CAMKMT: variants seen among roughly 807,000 people sequenced by gnomAD.
CAMKMT encodes calmodulin-lysine N-methyltransferase.
In CAMKMT, 53 loss-of-function variants were observed where a neutral mutation model predicts 48.0. That is an observed-to-expected ratio of 1.10 (90% CI 0.89 to 1.39). CAMKMT has a LOEUF of 1.39. Among genes scored for constraint, CAMKMT ranks in the 40% most tolerant of loss-of-function variants. The pLI is 0.00. For missense variants in CAMKMT, 428 were observed against 402.7 expected, an observed-to-expected ratio of 1.06 and a Z score of -0.54; for synonymous variants, 165 against 152.3, an observed-to-expected ratio of 1.08 and a Z score of -0.61.
intron 9 of CAMKMT, among the ~76,000 whole-genome samples, chr2:44,760,089 A>T (rs924682156): frequency 3.8e-4 from 58 of 152,086 alleles, no homozygotes; most frequent in Non-Finnish European, 5.9e-5. Context: ...CACTGTGGGA[A>T]TCTCATAGTT....
chr2:44,504,000 A>AGAGAGG (rs1321226192), intron 3 of CAMKMT, among the ~76,000 whole-genome samples: 1 of 151,458 alleles, frequency 6.6e-6, no homozygotes, highest in Non-Finnish European at 1.5e-5. Context: ...AGAGAGAGAG[A>AGAGAGG]GAGAGAGAAA....
chr2:44,587,227 G>A (rs1330987797), intron 3 of CAMKMT, among the ~76,000 whole-genome samples: 1 of 152,020 alleles, frequency 6.6e-6, no homozygotes, highest in Non-Finnish European at 1.5e-5. Flanking sequence ...AGCTTAATTT[G>A]GGAAGAAGTG....
At chr2:44,396,258 AC>A (rs1266125948) in intron 3 of CAMKMT, among the ~76,000 whole-genome samples, 17 of 148,180 alleles carry the variant, frequency 1.1e-4, no homozygotes, top group Non-Finnish European at 4.5e-5. Flanking sequence ...TAATAGATTG[AC>A]TAATTTAAGA....
At chr2:44,484,691 C>CAA (rs35786716) in intron 3 of CAMKMT, among the ~76,000 whole-genome samples, 1 of 139,056 alleles carries the variant, frequency 7.2e-6, no homozygotes. Context: ...TTAAATAGGA[C>CAA]AAAAAAAAAA....
At chr2:44,580,273 T>TAAAATAAAATAAAAC (rs1669481897) in intron 3 of CAMKMT, among the ~76,000 whole-genome samples, 1 of 151,646 alleles carries the variant, frequency 6.6e-6, no homozygotes, top group Non-Finnish European at 1.5e-5. Flanking sequence ...TAAAGTAAAA[T>TAAAATAAAATAAAAC]AAAATAAAGT....
rs1674671916 is a variant in CAMKMT at position 44,661,380 on chromosome 2, A to G, written c.377-42903A>G. Among the ~76,000 whole-genome samples the G allele has an allele frequency of 6.3e-5, 8 of 126,688 alleles. No homozygotes were observed. In the South Asian group the frequency reaches 2.0e-3, roughly 32 times the overall value. The allele number at this position is 126,688 out of a possible 152,430, so 83.1% of individuals were successfully genotyped here. On this transcript the variant is annotated intron_variant, in intron 3 of 10. Transcript: ENST00000378494. ...GCCCAGGCTGGAGTGCAGTGGCATG[A>G]TCTCAGCTCAGTGCTACCACTGTTT...
chr2:44,623,914 T>C (rs1212202512), intron 3 of CAMKMT, among the ~76,000 whole-genome samples: 1 of 152,214 alleles, frequency 6.6e-6, no homozygotes, highest in Non-Finnish European at 1.5e-5. Context: ...TATGGATGCC[T>C]TTTTTCCCTC....
rs187026113 is a variant in CAMKMT, at chr2:44,595,618, C to G, written c.377-108665C>G. ...GCTATCCCCATGAAGCTACCATTGA[C>G]TTTCTTCACAGAATTGGAAAAAGCT... On this transcript the variant is annotated intron_variant, in intron 3 of 10. Coordinates refer to ENST00000378494, the MANE Select transcript of CAMKMT (RefSeq NM_024766.5). Among the ~76,000 whole-genome samples the G allele has an allele frequency of 1.1e-3, 160 of 152,292 alleles. 1 individual carries two copies. The highest frequency in any genetic ancestry group is 1.5e-5 in the Non-Finnish European group (1 of 68,010).
At chr2:44,559,618 ATG>A (rs1668217366) in intron 3 of CAMKMT, among the ~76,000 whole-genome samples, 1 of 152,042 alleles carries the variant, frequency 6.6e-6, no homozygotes, top group South Asian at 2.1e-4. Flanking sequence ...CCTTTGAAAG[ATG>A]TGTCTTACAC....
At chr2:44,655,183 CTT>C (rs1273517254) in intron 3 of CAMKMT, among the ~76,000 whole-genome samples, 5 of 152,204 alleles carry the variant, frequency 3.3e-5, no homozygotes, top group Admixed American at 6.5e-5. Context: ...CTTTTAGAGA[CTT>C]AGTACTTAAT....
intron 2 of CAMKMT, among the ~76,000 whole-genome samples, chr2:44,389,133 C>T (rs1445621588): frequency 6.6e-6 from 1 of 152,052 alleles, no homozygotes; most frequent in Non-Finnish European, 1.5e-5. Context: ...CATGTAGGGG[C>T]AGGGCTAGGC....
intron 3 of CAMKMT, among the ~76,000 whole-genome samples, chr2:44,447,553 A>G (rs1348053690): frequency 1.3e-5 from 2 of 152,202 alleles, no homozygotes; most frequent in Non-Finnish European, 2.9e-5. Context: ...TTGCATGTTT[A>G]TCTTGGGTTT....
Position 44,623,976 on chromosome 2 carries a change from T to A in CAMKMT, c.377-80307T>A, listed in dbSNP as rs1364346626. On this transcript the variant is annotated intron_variant, in intron 3 of 10. Transcript: ENST00000378494. ...ATGTTGTTTGTTTTCTATTAGTAGT[T>A]TAGTCTTTTTGAATTTTGGAGTAGT... Among the ~76,000 whole-genome samples, 9 of 152,312 alleles carry A rather than the reference T, an allele frequency of 5.9e-5. No individual in the cohort carries two copies. In the South Asian group the frequency reaches 1.5e-3, roughly 25 times the overall value.
Position 44,372,710 on chromosome 2 carries a change from T to C in CAMKMT, c.139-6T>C. On this transcript the variant is annotated splice_polypyrimidine_tract_variant and splice_region_variant and intron_variant, in intron 1 of 10. Transcript: ENST00000378494. ...CATGACTGCAATATTTGGCTTTATT[T>C]CAAAGGTTCTGAAGCAAAAACACCT... 6.2e-7 allele frequency: 1 copy of C among 1,607,542 alleles called. No individual in the cohort carries two copies. The highest frequency in any genetic ancestry group is 8.5e-7 in the Non-Finnish European group (1 of 1,177,842).
intron 7 of CAMKMT, among the ~76,000 whole-genome samples, chr2:44,727,164 T>C (rs1217775685): frequency 6.6e-6 from 1 of 152,194 alleles, no homozygotes; most frequent in African/African-American, 2.4e-5. Flanking sequence ...AGAATGACAT[T>C]GGTAGTTTAA....
At chr2:44,538,473 G>A (rs1666904675) in intron 3 of CAMKMT, among the ~76,000 whole-genome samples, 1 of 151,966 alleles carries the variant, frequency 6.6e-6, no homozygotes, top group African/African-American at 2.4e-5. Flanking sequence ...GTTTTTTGCA[G>A]CAACTTGGAT....
intron 3 of CAMKMT, among the ~76,000 whole-genome samples, chr2:44,528,416 T>G (rs1666287998): frequency 6.6e-6 from 1 of 152,102 alleles, no homozygotes; most frequent in Non-Finnish European, 1.5e-5. Flanking sequence ...CTCTTTTCAT[T>G]TGTCCTTCCA....
intron 3 of CAMKMT, among the ~76,000 whole-genome samples, chr2:44,599,834 A>AT (rs2103852725): frequency 6.6e-6 from 1 of 151,828 alleles, no homozygotes; most frequent in South Asian, 2.1e-4. Flanking sequence ...TTTAAAAAAA[A>AT]AAAAAAAGTG....
chr2:44,383,331 AT>A (rs1680451626), intron 2 of CAMKMT, among the ~76,000 whole-genome samples: 1 of 151,548 alleles, frequency 6.6e-6, no homozygotes, highest in Non-Finnish European at 1.5e-5. Flanking sequence ...CACCCGGCTA[AT>A]TTTTGTATTT....
Sources: gnomAD v4.1 joint callset for allele counts (sites outside exome capture counted in the v4.1 genomes callset) on GRCh38, gnomAD v4.1.1 for gene constraint, MANE v1.5 for transcripts, NCBI Gene and HGNC (gene_info 2026-07-23, HGNC 2026-07-21) for gene names.